Variants in DIXDC1 observed in about 807,000 individuals in gnomAD.
DIXDC1 encodes the protein DIX domain containing 1.
Under a neutral mutation model 103.1 loss-of-function variants are expected in DIXDC1, and 64 were observed. The observed-to-expected ratio is 0.62, with a 90% confidence interval of 0.51 to 0.76. The LOEUF is 0.76. DIXDC1 is among the 30% of genes least tolerant of loss of function. The probability of loss-of-function intolerance (pLI) is 0.00; values close to 1 mark genes in which losing one functional copy is unlikely to be tolerated. For missense variants in DIXDC1, 759 were observed against 834.2 expected (o/e 0.91, Z 1.11); for synonymous variants, 266 against 298.5 (o/e 0.89, Z 1.12).
rs56965795 is a variant in DIXDC1 at position 111,977,248 on chromosome 11, G to A, written c.656+2265G>A. 5,836 of 1,002,882 alleles carry A rather than the reference G, an allele frequency of 5.8e-3. 267 individuals carry two copies. In the African/African-American group the frequency reaches 0.094, roughly 16 times the overall value. The allele number at this position is 1,002,882 out of a possible 1,614,324, so 62.1% of individuals were successfully genotyped here. A position where few individuals can be genotyped will look rare whatever the true frequency, so the allele number is the denominator to read the frequency against. On this transcript the variant is annotated intron_variant, in intron 5 of 19. Coordinates refer to ENST00000440460, the MANE Select transcript of DIXDC1 (RefSeq NM_001037954.4). The surrounding 1 kb of genome is among the most constrained non-coding windows in gnomAD (Gnocchi z 6.1). ...GCCAGCGGAGCTGGCTTGGGTCGGA[G>A]CCCGGCTGCCTCGCCGCGTGTGACA...
intron 1 of DIXDC1, among the ~76,000 whole-genome samples, chr11:111,942,891 A>G (rs1966464898): frequency 6.6e-6 from 1 of 152,120 alleles, no homozygotes; most frequent in African/African-American, 2.4e-5. Context: ...GTTTCTCTTC[A>G]TGTTTTCTAC....
At chr11:111,975,363 C>G (rs1219771565) in intron 5 of DIXDC1, 1 of 1,053,846 alleles carries the variant, frequency 9.5e-7, no homozygotes, top group Non-Finnish European at 1.1e-6. Flanking sequence ...CTCTTAAGGC[C>G]GGAAAAGTCT....
intron 12 of DIXDC1, 101 bp from the exon 13 acceptor site, chr11:111,993,395 C>T: frequency 7.8e-7 from 1 of 1,281,234 alleles, no homozygotes. Flanking sequence ...ACTTTTTTTC[C>T]TGAGGCTCTA....
rs1555178447 is a variant in DIXDC1, at chr11:112,021,266, T to G, written c.*2230T>G. 1.3e-5 allele frequency: 2 copies of G among 152,222 alleles called. No individual in the cohort carries two copies. The highest frequency in any genetic ancestry group is 4.8e-5 in the African/African-American group (2 of 41,462). 9.4% of individuals were successfully genotyped at this position (152,222 alleles called of 1,614,324 possible). On this transcript the variant is annotated 3_prime_UTR_variant, in exon 20 of 20. Transcript: ENST00000440460. ...TCATGGGAGAACATTAAGATCGTTT[T>G]TTTTCCCTTTTAGCTCGGTAATCTC...
At position 111,985,300 on chromosome 11, in the gene DIXDC1, T is replaced by C. The variant is rs899983193; in HGVS notation, c.987T>C (p.Gly329=). ...GGCCCTTGGCCCTCTGTGAACCAGG[T>C]GTCAATCCCGAGGAACAACTGGTGA... ...QERPLALCEP[G]VNPEEQLIII... Residue 329 remains glycine, a synonymous_variant, in exon 8 of 20, where the codon GGT becomes GGC. Coordinates refer to ENST00000440460, the MANE Select transcript of DIXDC1 (RefSeq NM_001037954.4). The C allele has an allele frequency of 9.3e-6, 15 of 1,613,424 alleles. No homozygotes were observed. Among genetic ancestry groups the C allele is most frequent in the Non-Finnish European group, 1.3e-5 (15 of 1,179,694 alleles).
chr11:111,972,994 G>C lies in DIXDC1; in HGVS notation c.317-1029G>C, dbSNP rs1383759056. The stretch of plus-strand genomic sequence containing the variant: ...GAATCGCTTGAACCCAGGAGGCAGA[G>C]GTTGCAGTGAGCCAAGATCGTGCCA... On this transcript the variant is annotated intron_variant, in intron 3 of 19. Coordinates refer to ENST00000440460, the MANE Select transcript of DIXDC1 (RefSeq NM_001037954.4). 4.0e-5 allele frequency among the ~76,000 whole-genome samples: 6 copies of C among 151,384 alleles called. No individual in the cohort carries two copies. The South Asian group carries it at 1.3e-3, about 32-fold the overall frequency.
chr11:111,949,929 A>G (rs587758452), intron 1 of DIXDC1, among the ~76,000 whole-genome samples: 1 of 151,756 alleles, frequency 6.6e-6, no homozygotes, highest in East Asian at 1.9e-4. Context: ...TTTTTTTTTT[A>G]AACGTTTCTC....
At chr11:111,942,412 T>C (rs140751165) in intron 1 of DIXDC1, among the ~76,000 whole-genome samples, 72 of 152,360 alleles carry the variant, frequency 4.7e-4, no homozygotes, top group Non-Finnish European at 6.2e-4. Context: ...ACTGACACTT[T>C]CCTGAATGCA....
chr11:111,975,315 A>ATGAGGT, intron 5 of DIXDC1: 4 of 1,142,778 alleles, frequency 3.5e-6, no homozygotes, highest in South Asian at 4.4e-5. Flanking sequence ...TGTTTATGAT[A>ATGAGGT]GCCAGTTCCA....
At chr11:111,973,618 G>A (rs1315326986) in intron 3 of DIXDC1, among the ~76,000 whole-genome samples, 2 of 152,052 alleles carry the variant, frequency 1.3e-5, no homozygotes, top group Non-Finnish European at 2.9e-5. Context: ...AATATATCAT[G>A]CTCTCTCCCA....
At position 111,964,644 on chromosome 11, in the gene DIXDC1, T is replaced by C; in HGVS notation, c.156T>C (p.Asp52=). 6.2e-7 allele frequency: 1 copy of C among 1,612,468 alleles called. No homozygotes were observed. The highest frequency in any genetic ancestry group is 8.5e-7 in the Non-Finnish European group (1 of 1,179,356). ...AGGACCTGCGACAAGATCTCCGGGA[T>C]GGGGTGATCCTGGCATATCTCATCG... ...PVQDLRQDLR[D]GVILAYLIEI... The change falls in exon 2 of 20, where the codon GAT becomes GAC. Residue 52 remains aspartate (D), a synonymous_variant. Coordinates refer to ENST00000440460, the MANE Select transcript of DIXDC1 (RefSeq NM_001037954.4).
intron 2 of DIXDC1, among the ~76,000 whole-genome samples, chr11:111,932,028 T>A (rs951348847): frequency 1.6e-4 from 7 of 42,632 alleles, no homozygotes; most frequent in Non-Finnish European, 2.5e-4. Context: ...GCAGATAACC[T>A]TTTTTTTTTT....
intron 1 of DIXDC1, among the ~76,000 whole-genome samples, chr11:111,929,606 G>C (rs1470552841): frequency 7.3e-6 from 1 of 137,898 alleles, no homozygotes; most frequent in Non-Finnish European, 1.6e-5. Context: ...AAAAAAAAAA[G>C]TAAATTTTAA....
At chr11:111,937,169 C>CGT, upstream of DIXDC1, 4 of 1,004,982 alleles carry the variant, frequency 4.0e-6, no homozygotes, top group Non-Finnish European at 4.7e-6. Context: ...GCGTGCAGCG[C>CGT]GCGCCCTCGC....
intron 17 of DIXDC1, among the ~76,000 whole-genome samples, chr11:112,013,418 C>T (rs1451848955): frequency 1.3e-5 from 2 of 151,694 alleles, no homozygotes; most frequent in African/African-American, 2.4e-5. Flanking sequence ...TTTCACTCCA[C>T]TAGACTTTTG....
chr11:111,992,611 C>T, intron 11 of DIXDC1, 92 bp downstream of exon 11: 5 of 1,121,794 alleles, frequency 4.5e-6, no homozygotes, highest in Non-Finnish European at 5.1e-6. Context: ...ATCCTAATCT[C>T]TTATCTTGCT....
At chr11:111,935,029 C>T (rs2137428368), upstream of DIXDC1, among the ~76,000 whole-genome samples, 1 of 152,310 alleles carries the variant, frequency 6.6e-6, no homozygotes, top group Middle Eastern at 3.4e-3. Flanking sequence ...CACAGACAGT[C>T]CTAGTGAACA....
At position 112,017,731 on chromosome 11, in the gene DIXDC1, G is replaced by T; in HGVS notation, c.1863-46G>T. The T allele has an allele frequency of 6.7e-7, 1 of 1,487,334 alleles. No individual in the cohort carries two copies. The highest frequency in any genetic ancestry group is 9.2e-7 in the Non-Finnish European group (1 of 1,082,812). The allele number at this position is 1,487,334 out of a possible 1,614,324, so 92.1% of individuals were successfully genotyped here. On this transcript the variant is annotated intron_variant, in intron 18 of 19. Coordinates refer to ENST00000440460, the MANE Select transcript of DIXDC1 (RefSeq NM_001037954.4). The surrounding 1 kb of genome is among the most constrained non-coding windows in gnomAD (Gnocchi z 4.0). The stretch of plus-strand genomic sequence containing the variant: ...TTAAAGTTAACATCTTATCTTTCCA[G>T]CTATTGATCAACAGTCTATTTTAGT...
intron 1 of DIXDC1, among the ~76,000 whole-genome samples, chr11:111,955,229 G>A (rs971822861): frequency 2.0e-5 from 3 of 151,650 alleles, no homozygotes; most frequent in East Asian, 1.9e-4. Context: ...TCAGCTACTC[G>A]GGAGGCTGAG....
Sources: gnomAD v4.1 joint callset for allele counts (sites outside exome capture counted in the v4.1 genomes callset) on GRCh38, gnomAD v4.1.1 for gene constraint, Gnocchi (gnomAD v3.1) non-coding constraint, MANE v1.5 for transcripts, NCBI Gene and HGNC (gene_info 2026-07-23, HGNC 2026-07-21) for gene names.